Variants in DIAPH2 observed in about 807,000 individuals in gnomAD.
DIAPH2 encodes the protein diaphanous related formin 2, also known as protein diaphanous homolog 2.
A neutral mutation model predicts 92.7 loss-of-function variants in DIAPH2; 35 were observed. The ratio of observed to expected loss-of-function variants is 0.38; its 90% CI spans 0.29 to 0.50. DIAPH2 has a LOEUF of 0.50. Ranked by LOEUF, DIAPH2 falls within the 20% of genes least tolerant of loss-of-function variation. DIAPH2 has a pLI of 0.94. For missense variants in DIAPH2, 701 were observed against 819.5 expected (o/e 0.86, Z 1.77); for synonymous variants, 301 against 280.4 (o/e 1.07, Z -0.73).
chrX:97,085,775 G>A (rs1228228784), intron 19 of DIAPH2, among the ~76,000 whole-genome samples: 2 of 111,928 alleles, frequency 1.8e-5, no homozygotes, highest in East Asian at 5.6e-4. Context: ...AGAATAACTA[G>A]TTAGGATTTA....
intron 4 of DIAPH2, among the ~76,000 whole-genome samples, chrX:96,804,966 T>A (rs2064612073): frequency 9.0e-6 from 1 of 110,781 alleles, no homozygotes; most frequent in Non-Finnish European, 1.9e-5. Flanking sequence ...TCATAAGGAA[T>A]GAGGAGAGCC....
At chrX:97,506,803 A>G (rs974001580) in intron 26 of DIAPH2, among the ~76,000 whole-genome samples, 16 of 111,318 alleles carry the variant, frequency 1.4e-4, no homozygotes, top group African/African-American at 5.2e-4. Flanking sequence ...CTTGGAGGGC[A>G]TCAACTATGC....
intron 21 of DIAPH2, among the ~76,000 whole-genome samples, chrX:97,126,223 A>G (rs1238141715): frequency 9.0e-6 from 1 of 111,654 alleles, no homozygotes; most frequent in Admixed American, 9.5e-5. Flanking sequence ...ACCCTGTATG[A>G]GACTGTTCCA....
chrX:97,344,867 T>C (rs2147685094), intron 23 of DIAPH2, among the ~76,000 whole-genome samples: 1 of 112,499 alleles, frequency 8.9e-6, no homozygotes, highest in East Asian at 2.8e-4. Flanking sequence ...CTCTGTGTTA[T>C]ACAGATGTTG....
intron 22 of DIAPH2, among the ~76,000 whole-genome samples, chrX:97,158,340 ATTGTC>A (rs200356755): frequency 0.076 from 8,464 of 111,839 alleles, 360 homozygotes; most frequent in African/African-American, 0.16. Context: ...GATCGGTTCT[ATTGTC>A]TTGTCCAGAT....
In DIAPH2 at chrX:97,263,211, A is replaced by G. The variant is rs1482645012; in HGVS notation, c.2844+15372A>G. On this transcript the variant is annotated intron_variant, in intron 23 of 26. Transcript: ENST00000324765. ...ATAGCTGACTATTTCCAGATCAATC[A>G]AAATGTCCCTATTAAGTTGTCAGTT... Among the ~76,000 whole-genome samples, 4 of 112,078 alleles carry G rather than the reference A, an allele frequency of 3.6e-5. No homozygotes were observed. In the South Asian group the frequency reaches 1.5e-3, roughly 42 times the overall value.
chrX:97,511,837 C>G (rs1365125650), intron 26 of DIAPH2, among the ~76,000 whole-genome samples: 1 of 110,223 alleles, frequency 9.1e-6, no homozygotes, highest in Non-Finnish European at 1.9e-5. Flanking sequence ...ATTGAACCAG[C>G]CTTGCATCCC....
intron 15 of DIAPH2, 94 bp from the exon 16 acceptor site, chrX:96,957,729 CATAAG>C (rs1307794406): frequency 6.3e-6 from 4 of 637,354 alleles, no homozygotes; most frequent in Non-Finnish European, 9.6e-6. Context: ...GATCTTAAAA[CATAAG>C]ATAAATAAAC....
In DIAPH2 at chrX:97,413,914, TAGA is replaced by T. The variant is rs760654137; in HGVS notation, c.3146-15728_3146-15726del. Among the ~76,000 whole-genome samples, 429 of 111,428 alleles carry T rather than the reference TAGA, an allele frequency of 3.9e-3. 2 individuals are homozygous for T. Among genetic ancestry groups the T allele is most frequent in the Non-Finnish European group, 5.8e-3 (307 of 53,033 alleles). On this transcript the variant is annotated intron_variant, in intron 25 of 26. Transcript: ENST00000324765. ...CGAAATAGAAGAGGACACAAACAAA[TAGA>T]AGAAGAATATTCCATGCTCATGGAT...
chrX:97,426,703 A>G (rs2070068693), intron 25 of DIAPH2, among the ~76,000 whole-genome samples: 1 of 111,834 alleles, frequency 8.9e-6, no homozygotes, highest in Admixed American at 9.6e-5. Context: ...TTTATAGCTG[A>G]TATGCCCAGT....
chrX:96,993,201 A>G (rs1157694503), intron 17 of DIAPH2, among the ~76,000 whole-genome samples: 1 of 112,059 alleles, frequency 8.9e-6, no homozygotes, highest in Admixed American at 9.5e-5. Context: ...GAAGAAGGCC[A>G]GTAGACCAAT....
At chrX:96,773,150 C>T (rs1041640663) in intron 4 of DIAPH2, among the ~76,000 whole-genome samples, 1 of 110,569 alleles carries the variant, frequency 9.0e-6, no homozygotes, top group African/African-American at 3.3e-5. Context: ...AACTGAGGCT[C>T]TTCCCCAAAA....
At chrX:97,274,795 C>A (rs762125096) in intron 23 of DIAPH2, among the ~76,000 whole-genome samples, 77 of 110,394 alleles carry the variant, frequency 7.0e-4, no homozygotes, top group Non-Finnish European at 1.3e-3. Flanking sequence ...TGTGGCCTAC[C>A]GCAGTGTTTG....
intron 4 of DIAPH2, among the ~76,000 whole-genome samples, chrX:96,798,289 GT>G (rs1255252891): frequency 2.7e-5 from 3 of 111,421 alleles, no homozygotes; most frequent in East Asian, 5.6e-4. Flanking sequence ...GGCTCTGATA[GT>G]TTTTTTAGCC....
At chrX:97,197,477 G>A (rs945757124) in intron 22 of DIAPH2, among the ~76,000 whole-genome samples, 6 of 112,282 alleles carry the variant, frequency 5.3e-5, no homozygotes, top group Admixed American at 4.7e-4. Context: ...GAGAAACACT[G>A]TGTGATTCTT....
At position 97,186,050 on chromosome X, in the gene DIAPH2, A is replaced by T. The variant is rs2067601660; in HGVS notation, c.2719+44256A>T. On this transcript the variant is annotated intron_variant, in intron 22 of 26. Coordinates refer to ENST00000324765, the MANE Select transcript of DIAPH2 (RefSeq NM_006729.5). ...AACTGCAGTCAAGTTAGATTATCCC[A>T]AATCCCGGACCTATATAAATGATTT... Among the ~76,000 whole-genome samples the T allele has an allele frequency of 2.7e-5, 3 of 110,884 alleles. No individual in the cohort carries two copies. The Admixed American group carries it at 2.9e-4, about 11-fold the overall frequency.
intron 17 of DIAPH2, among the ~76,000 whole-genome samples, chrX:96,997,745 C>T (rs1020445287): frequency 2.2e-4 from 25 of 111,598 alleles, no homozygotes; most frequent in African/African-American, 7.5e-4. Context: ...ATTCATACCT[C>T]CATCTCAGTA....
At chrX:97,199,181 T>G (rs919060150) in intron 22 of DIAPH2, among the ~76,000 whole-genome samples, 2 of 110,285 alleles carry the variant, frequency 1.8e-5, no homozygotes, top group African/African-American at 6.6e-5. Context: ...ATCTAAGTAA[T>G]CTTCCCATAA....
chrX:97,175,831 A>G (rs766630205), intron 22 of DIAPH2, among the ~76,000 whole-genome samples: 1 of 112,215 alleles, frequency 8.9e-6, no homozygotes, highest in South Asian at 3.7e-4. Context: ...CTGAGCTTAA[A>G]ATATTTTTAC....
Sources: allele counts gnomAD v4.1 joint callset (sites outside exome capture counted in the v4.1 genomes callset), GRCh38; gene constraint gnomAD v4.1.1; transcripts MANE v1.5; gene names NCBI Gene and HGNC (gene_info 2026-07-23, HGNC 2026-07-21).